The following NPR1 variants were observed in gnomAD, a reference collection of about 807,000 sequenced individuals.
The protein encoded by NPR1 is atrial natriuretic peptide receptor 1.
In NPR1, 57 loss-of-function variants were observed where a neutral mutation model predicts 116.9. The ratio of observed to expected loss-of-function variants is 0.49; its 90% CI spans 0.39 to 0.61. NPR1 has a LOEUF of 0.61. NPR1 is among the 20% of genes least tolerant of loss of function. The probability of loss-of-function intolerance (pLI) is 0.00; values close to 1 mark genes in which losing one functional copy is unlikely to be tolerated. For missense variants in NPR1, 1,096 were observed against 1,409.8 expected, an observed-to-expected ratio of 0.78 and a Z score of 3.56; for synonymous variants, 555 against 601.6, an observed-to-expected ratio of 0.92 and a Z score of 1.13.
In NPR1 at chr1:153,693,174, C is replaced by A; in HGVS notation, c.3100C>A (p.Leu1034Ile). The change falls in exon 21 of 22, where the codon CTT (leucine) becomes ATT (isoleucine). Residue 1034 changes from leucine (L) to isoleucine (I), a missense_variant. By Grantham distance (5) the Leu-to-Ile change is conservative (BLOSUM62 2). Transcript: ENST00000368680. ...GGAGTTTGGTGGTTTCGAGCTGGAG[C>A]TTCGAGGGGATGTAGAAATGAAGGT... ...LEEFGGFELE[L>I]RGDVEMKGKG... is the part of the protein sequence containing the mutation. 6.2e-7 allele frequency: 1 copy of A among 1,614,010 alleles called. No individual in the cohort carries two copies. The highest frequency in any genetic ancestry group is 8.5e-7 in the Non-Finnish European group (1 of 1,179,932).
chr1:153,679,497 C>T lies in NPR1; in HGVS notation c.389C>T (p.Ala130Val), dbSNP rs751348752. The T allele has an allele frequency of 3.2e-6, 5 of 1,539,220 alleles. No homozygotes were observed. The highest frequency in any genetic ancestry group is 4.4e-6 in the Non-Finnish European group (5 of 1,147,210). The stretch of plus-strand genomic sequence containing the variant: ...GCCGCCCCAGTGGGGCGCTTCACCG[C>T]GCACTGGCGGGTCCCGCTGCTGACC... ...YAAAPVGRFT[A>V]HWRVPLLTAG... is the part of the protein sequence containing the mutation. The change falls in exon 1 of 22, where the codon GCG becomes GTG. Residue 130 changes from alanine to valine, a missense_variant. Coordinates refer to ENST00000368680, the MANE Select transcript of NPR1 (RefSeq NM_000906.4). This position sits in a 1 kb window ranked among gnomAD's most constrained non-coding sequence, Gnocchi z 4.2.
rs147522871 is a variant in NPR1 at position 153,682,275 on chromosome 1, G to A, written c.1172-223G>A. 4.9e-4 allele frequency among the ~76,000 whole-genome samples: 74 copies of A among 152,104 alleles called. 1 individual carries two copies. Among genetic ancestry groups the A allele is most frequent in the African/African-American group, 1.7e-3 (69 of 41,494 alleles). ...GGGTTTCACCACGTTGGTCAGGCTG[G>A]TCTTGAACTCCTGACGTCAGGTGAT... On this transcript the variant is annotated intron_variant, in intron 4 of 21. Transcript: ENST00000368680.
Position 153,689,296 on chromosome 1 carries a change from G to T in NPR1, c.2673G>T (p.Glu891Asp). The change falls in exon 17 of 22, where the codon GAG (glutamate) becomes GAT (aspartate). Residue 891 changes from glutamate (E) to aspartate (D), a missense_variant. Coordinates refer to ENST00000368680, the MANE Select transcript of NPR1 (RefSeq NM_000906.4). The surrounding 1 kb of genome is among the most constrained non-coding windows in gnomAD (Gnocchi z 5.1). ...DIVGFTALSA[E>D]STPMQVVTLL... ...TGGGTTTCACAGCGCTGTCGGCGGAGAGCACACCCATGCAGGTAGGCCAGG... is the reference window on the plus strand; with the variant it reads ...TGGGTTTCACAGCGCTGTCGGCGGATAGCACACCCATGCAGGTAGGCCAGG... 1.2e-6 allele frequency: 2 copies of T among 1,614,206 alleles called. No individual in the cohort carries two copies. The highest frequency in any genetic ancestry group is 2.2e-5 in the South Asian group (2 of 91,084).
chr1:153,687,984 G>T (rs1669978442), intron 14 of NPR1, 69 bp from the exon 15 acceptor site: 7 of 1,200,172 alleles, frequency 5.8e-6, no homozygotes, highest in Non-Finnish European at 8.4e-6. Flanking sequence ...CATCTCAGCT[G>T]GTTGCCCCAG....
At chr1:153,681,333 G>A (rs548877798) in intron 3 of NPR1, 40 bp downstream of exon 3, 2 of 1,158,054 alleles carry the variant, frequency 1.7e-6, no homozygotes, top group South Asian at 1.2e-5. Flanking sequence ...TGGACCTCCA[G>A]CCCCCACTCC....
At chr1:153,692,986 A>G in intron 20 of NPR1, 120 bp from the exon 21 acceptor site, 2 of 793,850 alleles carry the variant, frequency 2.5e-6, no homozygotes, top group South Asian at 3.3e-5. Context: ...CTGGCCCAAA[A>G]GAGGGAGAGA....
At chr1:153,683,668 A>G in intron 6 of NPR1, 72 bp from the exon 7 acceptor site, 1 of 1,555,044 alleles carries the variant, frequency 6.4e-7, no homozygotes, top group South Asian at 1.1e-5. Context: ...TCACTGATGG[A>G]CTATTAGAAA....
In NPR1 at chr1:153,687,678, C is replaced by G. The variant is rs139174442; in HGVS notation, c.2137C>G (p.Pro713Ala). The change falls in exon 14 of 22, where the codon CCT becomes GCT. Residue 713 changes from proline to alanine, a missense_variant. Transcript: ENST00000368680. ...TGAGCTCCTGCGAATGGCTTCACCC[C>G]CTGTGCGGGGCTCCCAGGCTGGTGA... ...APELLRMASP[P>A]VRGSQAGDVY... 329 of 1,605,256 alleles carry G rather than the reference C, an allele frequency of 2.0e-4. 1 individual carries two copies. In the African/African-American group the frequency reaches 3.9e-3, roughly 19 times the overall value.
At chr1:153,681,117 G>A in intron 2 of NPR1, 63 bp from the exon 3 acceptor site, 3 of 1,030,220 alleles carry the variant, frequency 2.9e-6, no homozygotes, top group South Asian at 2.6e-5. Context: ...AACTGTTGGG[G>A]CCCCACAGTA....
Position 153,689,251 on chromosome 1 carries a change from C to G in NPR1, c.2628C>G (p.Thr876=). Residue 876 remains threonine, a synonymous_variant, in exon 17 of 22, where the codon ACC becomes ACG. Transcript: ENST00000368680. The surrounding 1 kb of genome is among the most constrained non-coding windows in gnomAD (Gnocchi z 5.1). The part of the protein sequence containing the change: ...TVQAEAFDSV[T]IYFSDIVGFT... ...AGGCCGAAGCCTTTGACAGTGTTACCATCTACTTCAGTGACATTGTGGGTT... is the reference window on the plus strand; with the variant it reads ...AGGCCGAAGCCTTTGACAGTGTTACGATCTACTTCAGTGACATTGTGGGTT... 6.2e-7 allele frequency: 1 copy of G among 1,614,196 alleles called. No homozygotes were observed. Among genetic ancestry groups the G allele is most frequent in the Non-Finnish European group, 8.5e-7 (1 of 1,180,040 alleles).
At chr1:153,685,157 G>A in intron 8 of NPR1, 73 bp downstream of exon 8, 5 of 1,566,362 alleles carry the variant, frequency 3.2e-6, no homozygotes, top group Non-Finnish European at 4.3e-6. Flanking sequence ...CTGAGGGATA[G>A]GTAAGGGAGC....
At chr1:153,684,937 G>T (rs369922125) in intron 7 of NPR1, 27 bp from the exon 8 acceptor site, 2 of 1,613,100 alleles carry the variant, frequency 1.2e-6, no homozygotes, top group Non-Finnish European at 1.7e-6. Context: ...CTCAGCCACA[G>T]GCTCAGATGC....
intron 8 of NPR1, 119 bp from the exon 9 acceptor site, chr1:153,685,687 G>A (rs1047092324): frequency 9.0e-6 from 7 of 779,794 alleles, no homozygotes; most frequent in Admixed American, 4.9e-5. Context: ...ACAACAAAAA[G>A]GAAGGGTGAC....
chr1:153,685,574 G>T (rs1426457220), intron 8 of NPR1, among the ~76,000 whole-genome samples: 1 of 152,112 alleles, frequency 6.6e-6, no homozygotes, highest in Non-Finnish European at 1.5e-5. Context: ...TGAGGTGAAA[G>T]GATCATCTGA....
In NPR1 at chr1:153,687,688, G is replaced by A; in HGVS notation, c.2147G>A (p.Gly716Asp). Residue 716 changes from glycine to aspartate, a missense_variant, in exon 14 of 22, where the codon GGC becomes GAC. Transcript: ENST00000368680. ...LLRMASPPVR[G>D]SQAGDVYSFG... The stretch of plus-strand genomic sequence containing the variant: ...CGAATGGCTTCACCCCCTGTGCGGG[G>A]CTCCCAGGCTGGTGACGTATACAGC... 1 of 1,606,434 alleles carries A rather than the reference G, an allele frequency of 6.2e-7. No individual in the cohort carries two copies. The highest frequency in any genetic ancestry group is 8.5e-7 in the Non-Finnish European group (1 of 1,173,834).
Position 153,689,760 on chromosome 1 carries a change from C to A in NPR1, c.2758-46C>A. On this transcript the variant is annotated intron_variant, in intron 18 of 21. Transcript: ENST00000368680. The surrounding 1 kb of genome is among the most constrained non-coding windows in gnomAD (Gnocchi z 5.1). ...CCCGGTGTGACGGTGTGGCCGGCCG[C>A]ACAGTTGCAGCCGTCAAGTCCTGCA... The A allele has an allele frequency of 6.8e-7, 1 of 1,479,274 alleles. No individual in the cohort carries two copies. Among genetic ancestry groups the A allele is most frequent in the Non-Finnish European group, 9.1e-7 (1 of 1,104,970 alleles). The allele number at this position is 1,479,274 out of a possible 1,614,324, so 91.6% of individuals were successfully genotyped here. A position where few individuals can be genotyped will look rare whatever the true frequency, so the allele number is the denominator to read the frequency against.
At chr1:153,693,076 T>C in intron 20 of NPR1, 30 bp from the exon 21 acceptor site, 3 of 1,569,630 alleles carry the variant, frequency 1.9e-6, no homozygotes, top group Non-Finnish European at 2.6e-6. Context: ...CTCACATTGC[T>C]CACCTTCCCT....
intron 11 of NPR1, 28 bp downstream of exon 11, chr1:153,686,778 C>A: frequency 2.5e-6 from 4 of 1,595,764 alleles, no homozygotes; most frequent in Non-Finnish European, 3.4e-6. Context: ...TGTCAAGAAA[C>A]CTGGGTTCTA....
chr1:153,687,780 A>G lies in NPR1; in HGVS notation c.2239A>G (p.Ser747Gly). 6.3e-7 allele frequency: 1 copy of G among 1,587,300 alleles called. No homozygotes were observed. The change falls in exon 14 of 22, where the codon AGC (serine) becomes GGC (glycine). Residue 747 changes from serine to glycine, a missense_variant. Transcript: ENST00000368680. ...GVFHVEGLDL[S>G]PKEIIERVTR... is the part of the protein sequence containing the mutation. ...CTTCCACGTGGAAGGTTTGGACCTG[A>G]GCCCCAAAGGTGAGAGGAGCACACC... is the stretch of plus-strand genomic sequence containing the variant.
Sources: gnomAD v4.1 joint callset for allele counts (sites outside exome capture counted in the v4.1 genomes callset) on GRCh38, gnomAD v4.1.1 for gene constraint, Gnocchi (gnomAD v3.1) non-coding constraint, MANE v1.5 for transcripts, NCBI Gene and HGNC (gene_info 2026-07-23, HGNC 2026-07-21) for gene names.